SMOC2: variants seen among roughly 807,000 people sequenced by gnomAD.
The protein encoded by SMOC2 is SPARC related modular calcium binding 2.
Under a neutral mutation model 61.4 loss-of-function variants are expected in SMOC2, and 39 were observed. The ratio of observed to expected loss-of-function variants is 0.64; its 90% CI spans 0.49 to 0.83. The LOEUF is 0.83. Ranked by LOEUF, SMOC2 falls within the 40% of genes least tolerant of loss-of-function variation. The pLI is 0.00. For synonymous variants in SMOC2, 247 were observed against 239.9 expected (o/e 1.03, Z -0.27); for missense variants, 556 against 592.9 (o/e 0.94, Z 0.65).
intron 2 of SMOC2, among the ~76,000 whole-genome samples, chr6:168,521,853 C>T (rs573819289): frequency 2.2e-4 from 34 of 152,272 alleles, no homozygotes; most frequent in South Asian, 4.1e-4. Flanking sequence ...CCAGCCTTGC[C>T]GACAGAGACC....
At chr6:168,515,512 A>T (rs13217468) in intron 2 of SMOC2, among the ~76,000 whole-genome samples, 37,113 of 152,226 alleles carry the variant, frequency 0.24, 5,984 homozygotes, top group Non-Finnish European at 0.35. Flanking sequence ...CTGCCTTTGA[A>T]AAGGGGCTCC....
intron 7 of SMOC2, among the ~76,000 whole-genome samples, chr6:168,585,992 A>T (rs1785040024): frequency 6.6e-6 from 1 of 152,120 alleles, no homozygotes; most frequent in African/African-American, 2.4e-5. Flanking sequence ...TAAGTTCTAA[A>T]TTTTAATGAA....
intron 7 of SMOC2, among the ~76,000 whole-genome samples, chr6:168,576,993 G>A (rs1455671395): frequency 6.6e-6 from 1 of 151,020 alleles, no homozygotes; most frequent in Admixed American, 6.6e-5. Context: ...CCTGGAAGGT[G>A]AATTCCAGCC....
In SMOC2 at chr6:168,646,614, C is replaced by T. The variant is rs892720187; in HGVS notation, c.908-4067C>T. ...AAGCACAGAACACATTCATTTTAAA[C>T]GAGTGAAAGTCAAAAATGCTTTTAA... On this transcript the variant is annotated intron_variant, in intron 9 of 12. Transcript: ENST00000356284. Among the ~76,000 whole-genome samples the T allele has an allele frequency of 3.9e-5, 6 of 152,130 alleles. No homozygotes were observed. In the South Asian group the frequency reaches 6.2e-4, roughly 16 times the overall value.
At chr6:168,550,419 C>G (rs545202670) in intron 7 of SMOC2, among the ~76,000 whole-genome samples, 1 of 152,188 alleles carries the variant, frequency 6.6e-6, no homozygotes, top group Non-Finnish European at 1.5e-5. Context: ...ACACACCCAA[C>G]CTGAAAAGGA....
At chr6:168,579,498 T>G (rs1204644075) in intron 7 of SMOC2, among the ~76,000 whole-genome samples, 1 of 152,254 alleles carries the variant, frequency 6.6e-6, no homozygotes, top group Non-Finnish European at 1.5e-5. Context: ...CAGGTGACTT[T>G]TATTAACTTC....
chr6:168,482,551 G>A (rs1782230721), intron 1 of SMOC2, among the ~76,000 whole-genome samples: 1 of 151,944 alleles, frequency 6.6e-6, no homozygotes, highest in Admixed American at 6.6e-5. Context: ...CTAATTCTTT[G>A]TATGAGGCCA....
At chr6:168,624,681 A>C (rs1786346210) in intron 9 of SMOC2, among the ~76,000 whole-genome samples, 2 of 151,686 alleles carry the variant, frequency 1.3e-5, no homozygotes, top group African/African-American at 2.4e-5. Context: ...CACTGACATA[A>C]ACACACATAG....
At chr6:168,614,231 T>G (rs372056953) in intron 9 of SMOC2, among the ~76,000 whole-genome samples, 8 of 45,614 alleles carry the variant, frequency 1.8e-4, no homozygotes, top group Admixed American at 2.8e-4. Context: ...AGCCAGCACA[T>G]GGAGCCTCTT....
chr6:168,618,375 A>G (rs1018653241), intron 9 of SMOC2, among the ~76,000 whole-genome samples: 34 of 144,866 alleles, frequency 2.3e-4, no homozygotes, highest in South Asian at 4.6e-4. Flanking sequence ...GAGGAGAGGC[A>G]GGTAGTGGCA....
intron 9 of SMOC2, among the ~76,000 whole-genome samples, chr6:168,627,687 G>A (rs1786450740): frequency 6.6e-6 from 1 of 152,166 alleles, no homozygotes; most frequent in Non-Finnish European, 1.5e-5. Context: ...GGGACAGGCA[G>A]CAAGAACTCA....
chr6:168,518,445 ATGTG>A (rs71545160), intron 2 of SMOC2, among the ~76,000 whole-genome samples: 1 of 130,094 alleles, frequency 7.7e-6, no homozygotes, highest in Non-Finnish European at 1.7e-5. Context: ...GTGACTGTGA[ATGTG>A]TGAATGTGTG....
Position 168,441,252 on chromosome 6 carries a change from G to A in SMOC2, c.-119G>A, listed in dbSNP as rs1781197521. 3.0e-6 allele frequency: 4 copies of A among 1,352,036 alleles called. No homozygotes were observed. The Admixed American group carries it at 1.2e-4, about 40-fold the overall frequency. The allele number at this position is 1,352,036 out of a possible 1,614,324, so 83.8% of individuals were successfully genotyped here. ...CGGGCCGCCGGGAGCGGTGGGGAGAGCATCGCGGAGCCGCCCCTCCACGCG... is the reference window on the plus strand; with the variant it reads ...CGGGCCGCCGGGAGCGGTGGGGAGAACATCGCGGAGCCGCCCCTCCACGCG... On this transcript the variant is annotated 5_prime_UTR_variant, in exon 1 of 13. Coordinates refer to ENST00000356284, the MANE Select transcript of SMOC2 (RefSeq NM_001166412.2).
rs1308928970 is a variant in SMOC2 at position 168,642,903 on chromosome 6, A to G, written c.908-7778A>G. Among the ~76,000 whole-genome samples, 11 of 152,326 alleles carry G rather than the reference A, an allele frequency of 7.2e-5. 1 individual carries two copies. Among genetic ancestry groups the G allele is most frequent in the African/African-American group, 2.6e-4 (11 of 41,578 alleles). ...ATGGAGCAAGTGGGGTACTTGGGAAACATCTCGCACCCCTTTCTGTGGCTG... is the reference window on the plus strand; with the variant it reads ...ATGGAGCAAGTGGGGTACTTGGGAAGCATCTCGCACCCCTTTCTGTGGCTG... On this transcript the variant is annotated intron_variant, in intron 9 of 12. Coordinates refer to ENST00000356284, the MANE Select transcript of SMOC2 (RefSeq NM_001166412.2).
chr6:168,484,380 A>T (rs1782281632), intron 1 of SMOC2, among the ~76,000 whole-genome samples: 4 of 152,174 alleles, frequency 2.6e-5, no homozygotes, highest in Admixed American at 2.6e-4. Flanking sequence ...GCACAGAAAA[A>T]CTACAATGAG....
intron 7 of SMOC2, among the ~76,000 whole-genome samples, chr6:168,574,858 G>A (rs1436449536): frequency 6.6e-6 from 1 of 152,158 alleles, no homozygotes; most frequent in Non-Finnish European, 1.5e-5. Context: ...GGTGACATGG[G>A]GGCCGGCCAC....
At chr6:168,534,735 G>A (rs1463920514) in intron 4 of SMOC2, among the ~76,000 whole-genome samples, 1 of 152,152 alleles carries the variant, frequency 6.6e-6, no homozygotes, top group Admixed American at 6.5e-5. Flanking sequence ...ATACTTTAGT[G>A]TACATTTAAT....
intron 1 of SMOC2, among the ~76,000 whole-genome samples, chr6:168,451,625 C>G (rs1465113877): frequency 3.3e-5 from 5 of 151,516 alleles, no homozygotes; most frequent in African/African-American, 7.3e-5. Context: ...CTCTCTCTCT[C>G]TCTCCCTCCC....
At chr6:168,538,200 T>TGAG (rs2115091855) in intron 4 of SMOC2, among the ~76,000 whole-genome samples, 1 of 108,866 alleles carries the variant, frequency 9.2e-6, no homozygotes, top group East Asian at 2.8e-4. Context: ...TGCTGGAATC[T>TGAG]GGGGAGTGGG....
Sources: allele counts gnomAD v4.1 joint callset (sites outside exome capture counted in the v4.1 genomes callset), GRCh38; gene constraint gnomAD v4.1.1; transcripts MANE v1.5; gene names NCBI Gene and HGNC (gene_info 2026-07-23, HGNC 2026-07-21).